LEPROT: variants seen among roughly 807,000 people sequenced by gnomAD.
The protein encoded by LEPROT is leptin receptor overlapping transcript, also known as leptin receptor gene-related protein.
LEPROT carries 3 observed loss-of-function variants against 15.4 expected under a neutral mutation model. The ratio of observed to expected loss-of-function variants is 0.19; its 90% confidence interval spans 0.09 to 0.50. The LOEUF (loss-of-function observed/expected upper bound fraction) is 0.50, where lower values mean the gene tolerates loss of function less well. LEPROT is among the 20% of genes least tolerant of loss of function. The pLI is 0.97. For missense variants in LEPROT, 137 were observed against 162.2 expected, an observed-to-expected ratio of 0.84 and a Z score of 0.84; for synonymous variants, 59 against 57.5, an observed-to-expected ratio of 1.03 and a Z score of -0.12.
At chr1:65,429,564 G>A (rs569519987) in intron 2 of LEPROT, among the ~76,000 whole-genome samples, 2 of 152,252 alleles carry the variant, frequency 1.3e-5, no homozygotes, top group Admixed American at 6.5e-5. Flanking sequence ...AAATGACCAA[G>A]TTAAAATTCT....
chr1:65,431,850 T>C lies in LEPROT; in HGVS notation c.327T>C (p.Ile109=), dbSNP rs780597451. The C allele has an allele frequency of 6.2e-7, 1 of 1,614,176 alleles. No individual in the cohort carries two copies. The highest frequency in any genetic ancestry group is 1.1e-5 in the South Asian group (1 of 91,084). The stretch of plus-strand genomic sequence containing the variant: ...TTGTGTTGGCAGGCAATGCAGTCAT[T>C]TTCCTTACAATTCAAGGGTTTTTCC... ...CGLVLAGNAV[I]FLTIQGFFLI... is the part of the protein sequence containing the mutation. Residue 109 remains isoleucine, a synonymous_variant, in exon 4 of 4, where the codon ATT becomes ATC. Transcript: ENST00000371065.
Position 65,433,310 on chromosome 1 carries a change from G to A in LEPROT, c.*1391G>A, listed in dbSNP as rs1221610265. ...CTACGTGTTGATGTACTTGTCTTCC[G>A]TCCTGTAGGTCTTTTCTATATAACT... On this transcript the variant is annotated 3_prime_UTR_variant, in exon 4 of 4. Coordinates refer to ENST00000371065, the MANE Select transcript of LEPROT (RefSeq NM_017526.5). 1.7e-5 allele frequency: 17 copies of A among 985,238 alleles called. No individual in the cohort carries two copies. The highest frequency in any genetic ancestry group is 1.9e-5 in the Non-Finnish European group (16 of 829,930). The allele number at this position is 985,238 out of a possible 1,614,324, so 61.0% of individuals were successfully genotyped here.
At chr1:65,426,242 A>C (rs1024076202) in intron 2 of LEPROT, among the ~76,000 whole-genome samples, 3 of 134,280 alleles carry the variant, frequency 2.2e-5, no homozygotes, top group African/African-American at 1.2e-4. Context: ...GAGACATGAA[A>C]GTGTATATAG....
At position 65,432,624 on chromosome 1, in the gene LEPROT, G is replaced by A; in HGVS notation, c.*705G>A. 1 of 984,494 alleles carries A rather than the reference G, an allele frequency of 1.0e-6. No individual in the cohort carries two copies. 61.0% of individuals were successfully genotyped at this position (984,494 alleles called of 1,614,324 possible). On this transcript the variant is annotated 3_prime_UTR_variant, in exon 4 of 4. Coordinates refer to ENST00000371065, the MANE Select transcript of LEPROT (RefSeq NM_017526.5). ...GCTGAGGACAAGTTCAGATGTTCAA[G>A]CCTATAATATTTAGGCAGTTCCTCA... is the stretch of plus-strand genomic sequence containing the variant.
intron 3 of LEPROT, chr1:65,430,435 CAACT>C (rs1176192749): frequency 6.4e-6 from 1 of 156,898 alleles, no homozygotes; most frequent in Non-Finnish European, 1.4e-5. Flanking sequence ...ACTCAACTCT[CAACT>C]CAGTATAATA....
Position 65,435,476 on chromosome 1 carries a change from T to C in LEPROT, c.*3557T>C. The C allele has an allele frequency of 2.3e-6, 1 of 430,840 alleles. No homozygotes were observed. The highest frequency in any genetic ancestry group is 2.2e-5 in the African/African-American group (1 of 46,046). The allele number at this position is 430,840 out of a possible 1,614,324, so 26.7% of individuals were successfully genotyped here. A position where few individuals can be genotyped will look rare whatever the true frequency, so the allele number is the denominator to read the frequency against. ...TCCGCCTCCCGGGTTCACGCCATTC[T>C]CCTGCCTCAGCCTCCCAAGGAGCTG... is the stretch of plus-strand genomic sequence containing the variant. On this transcript the variant is annotated 3_prime_UTR_variant, in exon 4 of 4. Transcript: ENST00000371065.
chr1:65,427,098 A>G (rs72681310), intron 2 of LEPROT, among the ~76,000 whole-genome samples: 4 of 152,282 alleles, frequency 2.6e-5, no homozygotes, highest in Admixed American at 6.5e-5. Flanking sequence ...CTGGCCAACT[A>G]TTACAGAAAT....
Position 65,422,071 on chromosome 1 carries a change from TG to T in LEPROT, c.16+1334del, listed in dbSNP as rs541812837. 4.2e-4 allele frequency among the ~76,000 whole-genome samples: 64 copies of T among 152,216 alleles called. 1 individual carries two copies. In the South Asian group the frequency reaches 0.013, roughly 31 times the overall value. On this transcript the variant is annotated intron_variant, in intron 1 of 3. Transcript: ENST00000371065. ...TCAGATGCGGTGGGAGAACAGATGG[TG>T]GGTTGGATTTTGTCCTCCAAAAAGA... is the stretch of plus-strand genomic sequence containing the variant.
chr1:65,422,589 G>T (rs563937194), intron 1 of LEPROT, among the ~76,000 whole-genome samples: 1 of 152,360 alleles, frequency 6.6e-6, no homozygotes, highest in South Asian at 2.1e-4. Context: ...CACAGAAGAG[G>T]CGATGCTTGA....
chr1:65,431,993 T>C lies in LEPROT; in HGVS notation c.*74T>C, dbSNP rs1311280797. Reference sequence around the variant, plus strand: ...CTGTATACATGTGCACATGCGGCATTTTACTATGAAATTTAATATGCTGGG... The same window carrying C: ...CTGTATACATGTGCACATGCGGCATCTTACTATGAAATTTAATATGCTGGG... On this transcript the variant is annotated 3_prime_UTR_variant, in exon 4 of 4. Transcript: ENST00000371065. 6.7e-7 allele frequency: 1 copy of C among 1,495,772 alleles called. No homozygotes were observed. Among genetic ancestry groups the C allele is most frequent in the Non-Finnish European group, 8.9e-7 (1 of 1,124,504 alleles). The allele number at this position is 1,495,772 out of a possible 1,614,324, so 92.7% of individuals were successfully genotyped here.
rs1035906574 is a variant in LEPROT, at chr1:65,435,079, C to T, written c.*3160C>T. On this transcript the variant is annotated 3_prime_UTR_variant, in exon 4 of 4. Transcript: ENST00000371065. ...TGGGAGAACGGAATGAAGAAAGATT[C>T]CAGCAGCTTATAGAAGGATAGCAAT... is the stretch of plus-strand genomic sequence containing the variant. 9.5e-5 allele frequency: 94 copies of T among 985,282 alleles called. No individual in the cohort carries two copies. The highest frequency in any genetic ancestry group is 1.0e-4 in the Non-Finnish European group (87 of 829,954). 61.0% of individuals were successfully genotyped at this position (985,282 alleles called of 1,614,324 possible).
At chr1:65,430,095 T>C in intron 3 of LEPROT, 47 bp downstream of exon 3, 1 of 1,464,650 alleles carries the variant, frequency 6.8e-7, no homozygotes. Flanking sequence ...CTGAGTTTAC[T>C]TCAGAGGCCT....
chr1:65,424,778 A>G (rs2101678382), intron 1 of LEPROT, among the ~76,000 whole-genome samples: 1 of 152,290 alleles, frequency 6.6e-6, no homozygotes, highest in Middle Eastern at 3.4e-3. Context: ...AGAAACACAG[A>G]GAGAGTGTGT....
intron 2 of LEPROT, among the ~76,000 whole-genome samples, chr1:65,426,190 A>G (rs994471728): frequency 6.6e-6 from 1 of 152,192 alleles, no homozygotes; most frequent in African/African-American, 2.4e-5. Flanking sequence ...TCTCTAGGGA[A>G]AAAGCACTTT....
chr1:65,428,796 C>G (rs1005505896), intron 2 of LEPROT, among the ~76,000 whole-genome samples: 3 of 151,722 alleles, frequency 2.0e-5, no homozygotes, highest in African/African-American at 2.4e-5. Flanking sequence ...TTTTGAAGTA[C>G]TGATAGAGAA....
intron 1 of LEPROT, chr1:65,421,338 AGT>A (rs1311531276): frequency 3.3e-6 from 5 of 1,533,538 alleles, no homozygotes; most frequent in South Asian, 2.4e-5. Context: ...AGAAGAAACC[AGT>A]GTGTGTGTAG....
Position 65,432,930 on chromosome 1 carries a change from C to T in LEPROT, c.*1011C>T. The T allele has an allele frequency of 1.0e-6, 1 of 966,360 alleles. No individual in the cohort carries two copies. Among genetic ancestry groups the T allele is most frequent in the Non-Finnish European group, 1.2e-6 (1 of 812,824 alleles). The allele number at this position is 966,360 out of a possible 1,614,324, so 59.9% of individuals were successfully genotyped here. ...CCTATAAAAATATACAATAATTTGT[C>T]AATATATAATCAAAATAAAAAACAA... On this transcript the variant is annotated 3_prime_UTR_variant, in exon 4 of 4. Coordinates refer to ENST00000371065, the MANE Select transcript of LEPROT (RefSeq NM_017526.5).
At chr1:65,425,701 A>G (rs78005150) in intron 2 of LEPROT, among the ~76,000 whole-genome samples, 2,480 of 152,314 alleles carry the variant, frequency 0.016, 101 homozygotes, top group African/African-American at 0.057. Context: ...CTAGTCAGTA[A>G]TCTGGCAGCT....
chr1:65,420,711 C>G lies in LEPROT; in HGVS notation c.-14C>G. 2 of 1,581,176 alleles carry G rather than the reference C, an allele frequency of 1.3e-6. No individual in the cohort carries two copies. Among genetic ancestry groups the G allele is most frequent in the East Asian group, 2.3e-5 (1 of 43,236 alleles). On this transcript the variant is annotated 5_prime_UTR_variant, in exon 1 of 4. Coordinates refer to ENST00000371065, the MANE Select transcript of LEPROT (RefSeq NM_017526.5). ...CAGGAAGCCGGAAGCAGCCGCGGCC[C>G]CAGTTCGGGAGACATGGCGGGCGTT... is the stretch of plus-strand genomic sequence containing the variant.
Sources: gnomAD v4.1 joint callset for allele counts (sites outside exome capture counted in the v4.1 genomes callset) on GRCh38, gnomAD v4.1.1 for gene constraint, MANE v1.5 for transcripts, NCBI Gene and HGNC (gene_info 2026-07-23, HGNC 2026-07-21) for gene names.